FARP2: variants seen among roughly 807,000 people sequenced by gnomAD.
FARP2 encodes the protein FERM, ARH/RhoGEF and pleckstrin domain protein 2.
In FARP2, 111 loss-of-function variants were observed where a neutral mutation model predicts 130.5. The observed-to-expected ratio is 0.85, with a 90% CI of 0.73 to 1.00. The LOEUF (loss-of-function observed/expected upper bound fraction) is 1.00, where lower values mean the gene tolerates loss of function less well. FARP2 is among the 50% of genes least tolerant of loss of function. The pLI is 0.00. For synonymous variants in FARP2, 504 were observed against 516.9 expected, an observed-to-expected ratio of 0.98 and a Z score of 0.34; for missense variants, 1,385 against 1,346.3, an observed-to-expected ratio of 1.03 and a Z score of -0.45.
intron 2 of FARP2, among the ~76,000 whole-genome samples, chr2:241,402,875 TATA>T (rs1559735153): frequency 2.8e-3 from 40 of 14,178 alleles, no homozygotes; most frequent in Non-Finnish European, 4.1e-3. Flanking sequence ...TATATATATA[TATA>T]TATTTTTTTT....
chr2:241,357,917 C>G lies in FARP2; in HGVS notation c.-25+1529C>G, dbSNP rs547021645. On this transcript the variant is annotated intron_variant, in intron 1 of 26. Coordinates refer to ENST00000264042, the MANE Select transcript of FARP2 (RefSeq NM_014808.4). ...AAAAATGAGTTTAAAATTTACTTGGCCAGGCACAGTGGCTGTAATCCCAGC... is the reference window on the plus strand; with the variant it reads ...AAAAATGAGTTTAAAATTTACTTGGGCAGGCACAGTGGCTGTAATCCCAGC... Among the ~76,000 whole-genome samples the G allele has an allele frequency of 7.9e-5, 12 of 152,294 alleles. No individual in the cohort carries two copies. The South Asian group carries it at 2.5e-3, about 32-fold the overall frequency.
rs113137726 is a variant in FARP2, at chr2:241,455,561, T to C, written c.1412-1186T>C. ...ATGCCCGGCTAATTTTTTGTATTTTTAGTAGGGATGGAGTTTCACCATGTT... is the reference window on the plus strand; with the variant it reads ...ATGCCCGGCTAATTTTTTGTATTTTCAGTAGGGATGGAGTTTCACCATGTT... On this transcript the variant is annotated intron_variant, in intron 13 of 26. Transcript: ENST00000264042. Among the ~76,000 whole-genome samples the C allele has an allele frequency of 5.9e-5, 9 of 151,686 alleles. 1 individual carries two copies. Among genetic ancestry groups the C allele is most frequent in the African/African-American group, 2.2e-4 (9 of 41,324 alleles).
At chr2:241,362,253 T>C (rs981688697) in intron 1 of FARP2, among the ~76,000 whole-genome samples, 2 of 152,138 alleles carry the variant, frequency 1.3e-5, no homozygotes, top group African/African-American at 4.8e-5. Flanking sequence ...ATAAGATGAA[T>C]GTTGGAAAAC....
chr2:241,387,674 TC>T (rs1374153204), intron 2 of FARP2, among the ~76,000 whole-genome samples: 5 of 151,192 alleles, frequency 3.3e-5, no homozygotes, highest in African/African-American at 1.2e-4. Context: ...GTGCCTGTAG[TC>T]CCAGGTACTC....
intron 12 of FARP2, among the ~76,000 whole-genome samples, chr2:241,439,381 G>T (rs1208469834): frequency 1.3e-5 from 2 of 152,030 alleles, no homozygotes; most frequent in Non-Finnish European, 2.9e-5. Context: ...CCAGGCTGGA[G>T]TGCAGTGGTG....
chr2:241,456,072 A>G (rs187890182), intron 13 of FARP2, among the ~76,000 whole-genome samples: 132 of 152,184 alleles, frequency 8.7e-4, no homozygotes, highest in Middle Eastern at 3.4e-3. Flanking sequence ...AAAATACACA[A>G]TGAAATATAT....
intron 1 of FARP2, among the ~76,000 whole-genome samples, chr2:241,369,770 A>C (rs868278519): frequency 1.3e-5 from 2 of 152,230 alleles, no homozygotes; most frequent in African/African-American, 4.8e-5. Context: ...AAAACATCCT[A>C]TCCTTTGTTT....
chr2:241,356,296 G>A lies in FARP2; in HGVS notation c.-117G>A, dbSNP rs1375431687. The A allele has an allele frequency of 1.3e-5, 2 of 152,500 alleles. No homozygotes were observed. Among genetic ancestry groups the A allele is most frequent in the Non-Finnish European group, 2.9e-5 (2 of 68,046 alleles). 9.4% of individuals were successfully genotyped at this position (152,500 alleles called of 1,614,324 possible). A position where few individuals can be genotyped will look rare whatever the true frequency, so the allele number is the denominator to read the frequency against. ...GGCTGCCGGCGGGCAGTTGGGAGCA[G>A]GCGACGCCGACGCGAGTCTGGCGGC... On this transcript the variant is annotated 5_prime_UTR_variant, in exon 1 of 27. Transcript: ENST00000264042.
In FARP2 at chr2:241,484,184, C is replaced by T. The variant is rs184849401; in HGVS notation, c.2332-58C>T. 4.9e-5 allele frequency: 79 copies of T among 1,607,072 alleles called. 1 individual carries two copies. In the Admixed American group the frequency reaches 1.3e-3, roughly 27 times the overall value. On this transcript the variant is annotated intron_variant, in intron 20 of 26. Transcript: ENST00000264042. ...ATGAGCAGCCAGAGTCCAAGTTGGTCTGACTATTAAGACACTTGTTTGTGA... is the reference window on the plus strand; with the variant it reads ...ATGAGCAGCCAGAGTCCAAGTTGGTTTGACTATTAAGACACTTGTTTGTGA...
intron 1 of FARP2, among the ~76,000 whole-genome samples, chr2:241,360,056 C>T (rs1288044569): frequency 1.3e-5 from 2 of 152,148 alleles, no homozygotes; most frequent in African/African-American, 4.8e-5. Context: ...ACCACCCTCA[C>T]TTTACTCACT....
At position 241,434,140 on chromosome 2, in the gene FARP2, T is replaced by C; in HGVS notation, c.868-18T>C. 6.3e-7 allele frequency: 1 copy of C among 1,578,698 alleles called. No individual in the cohort carries two copies. The highest frequency in any genetic ancestry group is 8.6e-7 in the Non-Finnish European group (1 of 1,160,364). ...TACTTCATTCTTGAATTAATTAACC[T>C]TTGTGTTTTGTTTCTAGGGACCTTA... On this transcript the variant is annotated intron_variant, in intron 9 of 26. Coordinates refer to ENST00000264042, the MANE Select transcript of FARP2 (RefSeq NM_014808.4).
chr2:241,433,584 G>A (rs1197254311), intron 9 of FARP2, among the ~76,000 whole-genome samples: 1 of 152,190 alleles, frequency 6.6e-6, no homozygotes, highest in African/African-American at 2.4e-5. Flanking sequence ...TAGAAAAAGT[G>A]TTTACAAAGA....
At chr2:241,447,716 T>A (rs371989386) in intron 13 of FARP2, among the ~76,000 whole-genome samples, 2 of 152,110 alleles carry the variant, frequency 1.3e-5, no homozygotes, top group Non-Finnish European at 2.9e-5. Flanking sequence ...AGTTTCCCAT[T>A]TGGCCAACAC....
chr2:241,424,783 C>T (rs139654968), intron 8 of FARP2, among the ~76,000 whole-genome samples: 443 of 152,210 alleles, frequency 2.9e-3, no homozygotes, highest in Non-Finnish European at 4.7e-3. Context: ...ACTGAACCCA[C>T]GGAAATATAA....
intron 18 of FARP2, among the ~76,000 whole-genome samples, chr2:241,468,735 T>TG (rs898774129): frequency 6.6e-6 from 1 of 152,264 alleles, no homozygotes; most frequent in African/African-American, 2.4e-5. Context: ...CACTGGGGAA[T>TG]GGGGTGCAAC....
chr2:241,383,863 G>A (rs777872618), intron 2 of FARP2, among the ~76,000 whole-genome samples: 123 of 152,208 alleles, frequency 8.1e-4, no homozygotes, highest in Non-Finnish European at 1.5e-3. Context: ...AGTCGAAGAG[G>A]CTCATTAGGC....
chr2:241,460,192 G>C (rs929916661), intron 14 of FARP2, among the ~76,000 whole-genome samples: 1 of 152,172 alleles, frequency 6.6e-6, no homozygotes, highest in Non-Finnish European at 1.5e-5. Context: ...GGGGAAGGCT[G>C]GGGCCTCCCA....
Position 241,356,307 on chromosome 2 carries a change from C to T in FARP2, c.-106C>T, listed in dbSNP as rs973393070. Reference sequence around the variant, plus strand: ...GGCAGTTGGGAGCAGGCGACGCCGACGCGAGTCTGGCGGCTGCTGCTTGCG... The same window carrying T: ...GGCAGTTGGGAGCAGGCGACGCCGATGCGAGTCTGGCGGCTGCTGCTTGCG... On this transcript the variant is annotated 5_prime_UTR_variant, in exon 1 of 27. In the 5' UTR this introduces an upstream ATG that the reference lacks. Transcript: ENST00000264042. 6.6e-6 allele frequency: 1 copy of T among 152,412 alleles called. No individual in the cohort carries two copies. The highest frequency in any genetic ancestry group is 6.6e-5 in the Admixed American group (1 of 15,252). 9.4% of individuals were successfully genotyped at this position (152,412 alleles called of 1,614,324 possible). A position where few individuals can be genotyped will look rare whatever the true frequency, so the allele number is the denominator to read the frequency against.
intron 2 of FARP2, among the ~76,000 whole-genome samples, chr2:241,380,378 C>T (rs534386721): frequency 6.0e-4 from 92 of 152,228 alleles, no homozygotes; most frequent in African/African-American, 2.1e-3. Context: ...TTGATCTACT[C>T]GTGCCCATGT....
Sources: allele counts gnomAD v4.1 joint callset (sites outside exome capture counted in the v4.1 genomes callset), GRCh38; gene constraint gnomAD v4.1.1; transcripts MANE v1.5; gene names NCBI Gene and HGNC (gene_info 2026-07-23, HGNC 2026-07-21).